RAC1: variants seen among roughly 807,000 people sequenced by gnomAD.
RAC1 encodes the protein Rac family small GTPase 1.
In RAC1, 2 loss-of-function variants were observed where a neutral mutation model predicts 25.2. That is an observed-to-expected ratio of 0.08 (90% CI 0.03 to 0.25). RAC1 has a LOEUF of 0.25. Among genes scored for constraint, RAC1 ranks in the 10% least tolerant of loss-of-function variants. RAC1 has a pLI of 1.00. For missense variants in RAC1, 50 were observed against 235.7 expected (o/e 0.21, Z 5.16); for synonymous variants, 88 against 94.0 (o/e 0.94, Z 0.37).
At chr7:6,396,923 G>A (rs184482140) in intron 3 of RAC1, among the ~76,000 whole-genome samples, 2,125 of 152,090 alleles carry the variant, frequency 0.014, 33 homozygotes, top group South Asian at 0.028. Flanking sequence ...CCAGCTACTC[G>A]GGAGGCTGAG....
intron 1 of RAC1, chr7:6,375,827 A>C (rs570907702): frequency 6.6e-6 from 1 of 152,084 alleles, no homozygotes; most frequent in African/African-American, 2.4e-5. Flanking sequence ...AGGAAGACAA[A>C]ACTTGTCTTA....
At chr7:6,376,365 G>A (rs1782593751) in intron 1 of RAC1, among the ~76,000 whole-genome samples, 1 of 151,114 alleles carries the variant, frequency 6.6e-6, no homozygotes, top group Admixed American at 6.6e-5. Flanking sequence ...GTATTTTTTA[G>A]TAGAGACGGG....
chr7:6,385,265 T>C (rs921718122), intron 1 of RAC1, among the ~76,000 whole-genome samples: 1 of 152,250 alleles, frequency 6.6e-6, no homozygotes, highest in African/African-American at 2.4e-5. Flanking sequence ...GTCTTGTTCA[T>C]TGATACATCT....
At chr7:6,393,255 A>G (rs1011202207) in intron 3 of RAC1, among the ~76,000 whole-genome samples, 9 of 152,210 alleles carry the variant, frequency 5.9e-5, no homozygotes, top group African/African-American at 2.2e-4. Context: ...ATCAGTCTAT[A>G]ATCCCCAGAC....
chr7:6,385,554 A>G (rs778447323), intron 1 of RAC1, among the ~76,000 whole-genome samples: 5 of 152,166 alleles, frequency 3.3e-5, no homozygotes, highest in Non-Finnish European at 5.9e-5. Flanking sequence ...ATGTCCAATG[A>G]GTCATTTCTG....
chr7:6,391,139 C>G (rs1484615670), intron 2 of RAC1, among the ~76,000 whole-genome samples: 1 of 152,162 alleles, frequency 6.6e-6, no homozygotes, highest in Non-Finnish European at 1.5e-5. Flanking sequence ...CTCAGGTGAT[C>G]CGCCCACCTC....
intron 1 of RAC1, chr7:6,375,752 G>C (rs1027824808): frequency 2.6e-5 from 4 of 151,700 alleles, no homozygotes; most frequent in Admixed American, 6.6e-5. Context: ...GGATGTAGCA[G>C]AACTGGCCCC....
rs1783441447 is a variant in RAC1 at position 6,402,526 on chromosome 7, A to AAAAAAAAAAC, written c.*89_*90insCAAAAAAAAA. 5.7e-6 allele frequency: 4 copies of AAAAAAAAAAC among 703,932 alleles called. No homozygotes were observed. The highest frequency in any genetic ancestry group is 2.3e-5 in the African/African-American group (1 of 44,298). The allele number at this position is 703,932 out of a possible 1,614,324, so 43.6% of individuals were successfully genotyped here. ...TCAAAAAAAAACAAAAAAAAAAAACAAAAAAAAAAAACAACGGTGGAGCCT... is the reference window on the plus strand; with the variant it reads ...TCAAAAAAAAACAAAAAAAAAAAACAAAAAAAAAACAAAAAAAAAAACAACGGTGGAGCCT... On this transcript the variant is annotated 3_prime_UTR_variant, in exon 6 of 6. Transcript: ENST00000348035.
chr7:6,395,802 A>G (rs1783222081), intron 3 of RAC1, among the ~76,000 whole-genome samples: 1 of 152,246 alleles, frequency 6.6e-6, no homozygotes, highest in African/African-American at 2.4e-5. Flanking sequence ...CCTGGCCAGA[A>G]TGTCTGTGTG....
intron 1 of RAC1, among the ~76,000 whole-genome samples, chr7:6,381,390 CTT>C (rs71008386): frequency 0.26 from 34,497 of 132,046 alleles, 4,167 homozygotes; most frequent in East Asian, 0.34. Flanking sequence ...TAATTGCTGG[CTT>C]TTTTTTTTTT....
intron 3 of RAC1, among the ~76,000 whole-genome samples, chr7:6,395,072 T>C (rs11764812): frequency 6.6e-6 from 1 of 152,138 alleles, no homozygotes; most frequent in Non-Finnish European, 1.5e-5. Flanking sequence ...GCCAGGATGG[T>C]CTTGATCTCC....
At chr7:6,391,115 C>A (rs1191339090) in intron 2 of RAC1, among the ~76,000 whole-genome samples, 8 of 152,166 alleles carry the variant, frequency 5.3e-5, no homozygotes, top group Non-Finnish European at 1.2e-4. Context: ...CCAGGCTGGT[C>A]TCGAACTCTT....
At chr7:6,394,727 C>A (rs986280898) in intron 3 of RAC1, among the ~76,000 whole-genome samples, 2 of 152,150 alleles carry the variant, frequency 1.3e-5, no homozygotes, top group African/African-American at 4.8e-5. Context: ...GTTGCCCAGG[C>A]TGGAGTGCAA....
chr7:6,383,784 C>CTTTTTT (rs34847745), intron 1 of RAC1, among the ~76,000 whole-genome samples: 931 of 39,920 alleles, frequency 0.023, 27 homozygotes, highest in Middle Eastern at 0.05. Context: ...CAACCTTTAT[C>CTTTTTT]TTTTTTTTTT....
chr7:6,393,662 C>G (rs1224422597), intron 3 of RAC1, among the ~76,000 whole-genome samples: 1 of 152,172 alleles, frequency 6.6e-6, no homozygotes, highest in Non-Finnish European at 1.5e-5. Context: ...CTGTGTGAGA[C>G]TGTGGACTGC....
At chr7:6,397,247 A>G (rs1783268231) in intron 3 of RAC1, among the ~76,000 whole-genome samples, 1 of 107,148 alleles carries the variant, frequency 9.3e-6, no homozygotes, top group South Asian at 2.4e-4. Flanking sequence ...TCTCAAAAAA[A>G]AAAAAGAAAA....
At chr7:6,402,281 G>C (rs200222012) in intron 5 of RAC1, 35 bp from the exon 6 acceptor site, 201 of 1,573,290 alleles carry the variant, frequency 1.3e-4, no homozygotes, top group Middle Eastern at 3.5e-4. Context: ...GAGTGGGGTC[G>C]AGTGTACATT....
chr7:6,387,310 C>G (rs702483), intron 2 of RAC1, 27 bp downstream of exon 2: 2 of 1,448,496 alleles, frequency 1.4e-6, no homozygotes, highest in Non-Finnish European at 1.9e-6. Flanking sequence ...GGGAATTAAC[C>G]TGTTTGTGTT....
chr7:6,403,474 CATTAGAAGGTTTTTTTGTCG>C lies in RAC1; in HGVS notation c.*1034_*1053del. The C allele has an allele frequency of 4.6e-6, 1 of 217,748 alleles. No individual in the cohort carries two copies. The highest frequency in any genetic ancestry group is 9.3e-6 in the Non-Finnish European group (1 of 108,106). The allele number at this position is 217,748 out of a possible 1,614,324, so 13.5% of individuals were successfully genotyped here. On this transcript the variant is annotated 3_prime_UTR_variant, in exon 6 of 6. Coordinates refer to ENST00000348035, the MANE Select transcript of RAC1 (RefSeq NM_006908.5). Reference sequence around the variant, plus strand: ...GTATTATAAAATCTTTCTGATAATGCATTAGAAGGTTTTTTTGTCGATTAGTAAAAGTGCTTTCCATGTTA... The same window carrying C: ...GTATTATAAAATCTTTCTGATAATGCATTAGTAAAAGTGCTTTCCATGTTA...
Sources: gnomAD v4.1 joint callset for allele counts (sites outside exome capture counted in the v4.1 genomes callset) on GRCh38, gnomAD v4.1.1 for gene constraint, MANE v1.5 for transcripts, NCBI Gene and HGNC (gene_info 2026-07-23, HGNC 2026-07-21) for gene names.